SLIT2: variants seen among roughly 807,000 people sequenced by gnomAD.
The protein encoded by SLIT2 is slit homolog 2 protein.
A neutral mutation model predicts 185.7 loss-of-function variants in SLIT2; 41 were observed. The observed-to-expected ratio is 0.22, with a 90% CI of 0.17 to 0.29. The LOEUF (loss-of-function observed/expected upper bound fraction) is 0.29. Ranked by LOEUF, SLIT2 falls within the 10% of genes least tolerant of loss-of-function variation. SLIT2 has a pLI of 1.00. For missense variants in SLIT2, 1,571 were observed against 1,909.0 expected, an observed-to-expected ratio of 0.82 and a Z score of 3.30; for synonymous variants, 693 against 680.2, an observed-to-expected ratio of 1.02 and a Z score of -0.29.
chr4:20,485,277 G>T (rs1717104966), intron 6 of SLIT2, among the ~76,000 whole-genome samples: 1 of 152,052 alleles, frequency 6.6e-6, no homozygotes, highest in South Asian at 2.1e-4. Flanking sequence ...CATCTCCCCA[G>T]CTGGACTGTA....
At position 20,452,335 on chromosome 4, in the gene SLIT2, T is replaced by C. The variant is rs116270846; in HGVS notation, c.396-15417T>C. 8.1e-3 allele frequency among the ~76,000 whole-genome samples: 1,233 copies of C among 152,312 alleles called. 25 individuals are homozygous for C. The highest frequency in any genetic ancestry group is 0.027 in the African/African-American group (1,142 of 41,572). On this transcript the variant is annotated intron_variant, in intron 4 of 36. Coordinates refer to ENST00000504154, the MANE Select transcript of SLIT2 (RefSeq NM_004787.4). Reference sequence around the variant, plus strand: ...CTAAGCTTCCATTTCCTCGTCTGTGTGTTGGAGAATCGATTACTTCTTCTT... The same window carrying C: ...CTAAGCTTCCATTTCCTCGTCTGTGCGTTGGAGAATCGATTACTTCTTCTT...
intron 9 of SLIT2, among the ~76,000 whole-genome samples, chr4:20,506,529 C>G (rs949882185): frequency 6.6e-6 from 1 of 151,944 alleles, no homozygotes; most frequent in Non-Finnish European, 1.5e-5. Flanking sequence ...TTACCTCAAC[C>G]TGAAAACTTT....
intron 4 of SLIT2, among the ~76,000 whole-genome samples, chr4:20,380,240 C>T (rs932574580): frequency 6.6e-6 from 1 of 152,058 alleles, no homozygotes; most frequent in Non-Finnish European, 1.5e-5. Flanking sequence ...TCTGGACTTC[C>T]CTTAACAAAT....
Position 20,523,871 on chromosome 4 carries a change from G to T in SLIT2, c.1242G>T (p.Gly414=), listed in dbSNP as rs1051140631. The change falls in exon 13 of 37, where the codon GGG becomes GGT. Residue 414 remains glycine (G), a synonymous_variant. Transcript: ENST00000504154. ...ACAAGCTTCAGACCATCGCCAAGGGGACCTTTTCACCTCTTCGGGCCATTC... is the reference window on the plus strand; with the variant it reads ...ACAAGCTTCAGACCATCGCCAAGGGTACCTTTTCACCTCTTCGGGCCATTC... ...YDNKLQTIAK[G]TFSPLRAIQT... 6.2e-7 allele frequency: 1 copy of T among 1,613,936 alleles called. No homozygotes were observed. The highest frequency in any genetic ancestry group is 8.5e-7 in the Non-Finnish European group (1 of 1,179,994).
At chr4:20,432,039 GAC>G (rs1729034275) in intron 4 of SLIT2, among the ~76,000 whole-genome samples, 1 of 123,140 alleles carries the variant, frequency 8.1e-6, no homozygotes. Flanking sequence ...GAGAGAGAGA[GAC>G]AGACAGACAC....
At chr4:20,348,217 A>G (rs1721585745) in intron 4 of SLIT2, among the ~76,000 whole-genome samples, 1 of 152,024 alleles carries the variant, frequency 6.6e-6, no homozygotes, top group South Asian at 2.1e-4. Context: ...GGTTTAGATG[A>G]GGCCCAAGAC....
At chr4:20,549,501 G>A (rs1052350841) in intron 24 of SLIT2, among the ~76,000 whole-genome samples, 4 of 151,896 alleles carry the variant, frequency 2.6e-5, no homozygotes, top group South Asian at 2.1e-4. Flanking sequence ...ACTGTGAAAT[G>A]TCCTTTAAAA....
chr4:20,265,004 A>C (rs1294223950), intron 3 of SLIT2, among the ~76,000 whole-genome samples: 1 of 151,956 alleles, frequency 6.6e-6, no homozygotes, highest in African/African-American at 2.4e-5. Flanking sequence ...TGGTCTGTTT[A>C]ACAAAGCTAA....
Position 20,277,776 on chromosome 4 carries a change from T to C in SLIT2, c.395+8895T>C, listed in dbSNP as rs1028555262. 5.4e-4 allele frequency among the ~76,000 whole-genome samples: 81 copies of C among 148,962 alleles called. 1 individual carries two copies. Among genetic ancestry groups the C allele is most frequent in the Admixed American group, 2.4e-3 (36 of 15,022 alleles). ...ATATCCAAATTAATATATATATATA[T>C]ACACACACAAACACAATAGGGAAGA... On this transcript the variant is annotated intron_variant, in intron 4 of 36. Transcript: ENST00000504154.
chr4:20,295,647 C>A (rs1198964046), intron 4 of SLIT2, among the ~76,000 whole-genome samples: 1 of 152,164 alleles, frequency 6.6e-6, no homozygotes, highest in East Asian at 1.9e-4. Context: ...AGAAGTTATT[C>A]ATCCTGATAA....
chr4:20,523,660 G>A, intron 12 of SLIT2, 100 bp from the exon 13 acceptor site: 1 of 933,350 alleles, frequency 1.1e-6, no homozygotes, highest in African/African-American at 1.7e-5. Flanking sequence ...GAGGTGAAAA[G>A]AAATATATTT....
intron 24 of SLIT2, 24 bp downstream of exon 24, chr4:20,549,152 A>T (rs758603421): frequency 9.1e-6 from 13 of 1,420,998 alleles, no homozygotes; most frequent in African/African-American, 2.8e-5. Context: ...GTTCAACAGA[A>T]TATCTCTTTT....
intron 23 of SLIT2, 99 bp downstream of exon 23, chr4:20,548,658 C>G: frequency 1.4e-6 from 1 of 732,500 alleles, no homozygotes; most frequent in Non-Finnish European, 2.4e-6. Context: ...AGTCTCTACC[C>G]TCAAGGAATG....
chr4:20,474,648 A>T (rs930419870), intron 5 of SLIT2, among the ~76,000 whole-genome samples: 5 of 152,026 alleles, frequency 3.3e-5, no homozygotes, highest in Non-Finnish European at 5.9e-5. Flanking sequence ...TCTTCTTATG[A>T]TACAGAATGG....
At chr4:20,274,634 C>T (rs1465281799) in intron 4 of SLIT2, among the ~76,000 whole-genome samples, 1 of 152,072 alleles carries the variant, frequency 6.6e-6, no homozygotes, top group Admixed American at 6.6e-5. Context: ...TAACAGTTGT[C>T]CGGTTTCTGC....
At chr4:20,323,091 T>C (rs1476103409) in intron 4 of SLIT2, among the ~76,000 whole-genome samples, 1 of 152,204 alleles carries the variant, frequency 6.6e-6, no homozygotes, top group Non-Finnish European at 1.5e-5. Flanking sequence ...TGTTTAAAAG[T>C]ACTGCTGTCT....
At chr4:20,483,548 A>G (rs1716915452) in intron 6 of SLIT2, among the ~76,000 whole-genome samples, 1 of 151,926 alleles carries the variant, frequency 6.6e-6, no homozygotes, top group South Asian at 2.1e-4. Flanking sequence ...TTACATGTTT[A>G]TTTTTCTTTT....
At chr4:20,458,520 A>G (rs536973142) in intron 4 of SLIT2, among the ~76,000 whole-genome samples, 41 of 152,332 alleles carry the variant, frequency 2.7e-4, no homozygotes, top group Non-Finnish European at 5.1e-4. Flanking sequence ...ATTCTGCCTA[A>G]TATTTCTGGA....
chr4:20,457,560 C>T (rs924582667), intron 4 of SLIT2, among the ~76,000 whole-genome samples: 1 of 151,934 alleles, frequency 6.6e-6, no homozygotes, highest in African/African-American at 2.4e-5. Flanking sequence ...CATCTGCTGT[C>T]CCCAACACTT....
Sources: allele counts gnomAD v4.1 joint callset (sites outside exome capture counted in the v4.1 genomes callset), GRCh38; gene constraint gnomAD v4.1.1; transcripts MANE v1.5; gene names NCBI Gene and HGNC (gene_info 2026-07-23, HGNC 2026-07-21).